Variants in EGF observed in about 807,000 individuals in gnomAD.
The protein encoded by EGF is pro-epidermal growth factor.
A neutral mutation model predicts 143.8 loss-of-function variants in EGF; 95 were observed. The ratio of observed to expected loss-of-function variants is 0.66; its 90% CI spans 0.56 to 0.78. The LOEUF (loss-of-function observed/expected upper bound fraction) is 0.78. EGF is among the 30% of genes least tolerant of loss of function. EGF has a pLI of 0.00. For missense variants in EGF, 1,320 were observed against 1,470.9 expected (o/e 0.90, Z 1.68); for synonymous variants, 510 against 510.5 (o/e 1.00, Z 0.01).
rs183096222 is a variant in EGF at position 109,936,333 on chromosome 4, T to C, written c.128-4613T>C. Among the ~76,000 whole-genome samples, 416 of 152,348 alleles carry C rather than the reference T, an allele frequency of 2.7e-3. 2 individuals are homozygous for C. The highest frequency in any genetic ancestry group is 5.1e-3 in the Non-Finnish European group (347 of 68,034). ...TTCCAGATTTTGTAGTTTATTTGCATAGAGGTGTTTATAGTATTCTCTAAC... is the reference window on the plus strand; with the variant it reads ...TTCCAGATTTTGTAGTTTATTTGCACAGAGGTGTTTATAGTATTCTCTAAC... On this transcript the variant is annotated intron_variant, in intron 1 of 23. Transcript: ENST00000265171.
At chr4:109,948,090 G>A (rs2282784) in intron 5 of EGF, among the ~76,000 whole-genome samples, 82,867 of 152,078 alleles carry the variant, frequency 0.54, 25,367 homozygotes, top group African/African-American at 0.83. Flanking sequence ...CATGAATTTC[G>A]GAAGAAAATC....
intron 22 of EGF, among the ~76,000 whole-genome samples, chr4:110,004,859 A>G (rs1219969878): frequency 6.6e-6 from 1 of 151,866 alleles, no homozygotes; most frequent in South Asian, 2.1e-4. Flanking sequence ...TGGCACAATA[A>G]ATTTTTGGAA....
chr4:109,926,755 T>C (rs1738742986), intron 1 of EGF, among the ~76,000 whole-genome samples: 1 of 152,250 alleles, frequency 6.6e-6, no homozygotes, highest in Non-Finnish European at 1.5e-5. Context: ...GTCAGTAGTA[T>C]GCTACCCAAA....
Position 109,915,471 on chromosome 4 carries a change from C to T in EGF, c.127+2009C>T, listed in dbSNP as rs79021207. 3.9e-3 allele frequency among the ~76,000 whole-genome samples: 598 copies of T among 152,254 alleles called. 3 individuals are homozygous for T. The highest frequency in any genetic ancestry group is 0.012 in the African/African-American group (497 of 41,536). On this transcript the variant is annotated intron_variant, in intron 1 of 23. Coordinates refer to ENST00000265171, the MANE Select transcript of EGF (RefSeq NM_001963.6). ...GCCGTATTTGAACAGTGCAGTGACACGGCACAGATCCATGGAGTGTGGAAT... is the reference window on the plus strand; with the variant it reads ...GCCGTATTTGAACAGTGCAGTGACATGGCACAGATCCATGGAGTGTGGAAT...
chr4:109,979,925 T>C (rs1749080723), intron 13 of EGF, 47 bp from the exon 14 acceptor site: 2 of 1,607,268 alleles, frequency 1.2e-6, no homozygotes, highest in Admixed American at 1.7e-5. Flanking sequence ...TAAATAGTCA[T>C]TGCAAAGACA....
chr4:109,992,627 T>G (rs1044161181), intron 18 of EGF, among the ~76,000 whole-genome samples: 1 of 152,048 alleles, frequency 6.6e-6, no homozygotes. Flanking sequence ...AAATCATGCT[T>G]CTATAAAGAC....
chr4:109,994,431 G>T (rs1362799593), intron 19 of EGF, among the ~76,000 whole-genome samples: 1 of 152,130 alleles, frequency 6.6e-6, no homozygotes, highest in Admixed American at 6.5e-5. Context: ...GTGTGTGACA[G>T]GTTTGTTTTT....
chr4:109,973,452 G>T (rs1165436417), intron 11 of EGF, among the ~76,000 whole-genome samples: 1 of 151,950 alleles, frequency 6.6e-6, no homozygotes, highest in Non-Finnish European at 1.5e-5. Flanking sequence ...TTATCTTCAG[G>T]AATCCTTCTC....
rs753733580 is a variant in EGF, at chr4:110,012,089, G to A, written c.*634G>A. Reference sequence around the variant, plus strand: ...TTTAAAATATTACACAGGAGGCTTCGGAGTTTCTTAGTCATTACTGTCCTT... The same window carrying A: ...TTTAAAATATTACACAGGAGGCTTCAGAGTTTCTTAGTCATTACTGTCCTT... On this transcript the variant is annotated 3_prime_UTR_variant, in exon 24 of 24. Coordinates refer to ENST00000265171, the MANE Select transcript of EGF (RefSeq NM_001963.6). 6.6e-6 allele frequency: 1 copy of A among 152,364 alleles called. No homozygotes were observed. The highest frequency in any genetic ancestry group is 1.5e-5 in the Non-Finnish European group (1 of 68,270). The allele number at this position is 152,364 out of a possible 1,614,324, so 9.4% of individuals were successfully genotyped here.
chr4:110,009,417 C>T (rs1489569043), intron 23 of EGF, among the ~76,000 whole-genome samples: 2 of 152,150 alleles, frequency 1.3e-5, no homozygotes, highest in African/African-American at 2.4e-5. Flanking sequence ...ATAATTCTTA[C>T]AATGGTAACC....
chr4:109,941,246 A>C (rs1002690824), intron 2 of EGF, 101 bp downstream of exon 2: 2 of 1,091,286 alleles, frequency 1.8e-6, no homozygotes, highest in Non-Finnish European at 1.4e-6. Flanking sequence ...ATTATATAAC[A>C]GTTCAAATGC....
intron 10 of EGF, among the ~76,000 whole-genome samples, chr4:109,966,244 T>C (rs1746559863): frequency 6.6e-6 from 1 of 151,992 alleles, no homozygotes; most frequent in Non-Finnish European, 1.5e-5. Context: ...GTTATTCCAC[T>C]CTGTATGTCC....
intron 16 of EGF, among the ~76,000 whole-genome samples, chr4:109,984,710 T>G (rs1355315191): frequency 6.6e-6 from 1 of 152,170 alleles, no homozygotes; most frequent in Admixed American, 6.5e-5. Context: ...AATCTCTAAT[T>G]TGATCCTCAT....
chr4:110,011,504 C>T lies in EGF; in HGVS notation c.*49C>T, dbSNP rs1200039250. On this transcript the variant is annotated 3_prime_UTR_variant, in exon 24 of 24. Transcript: ENST00000265171. ...AAGAAGAATGAACTATGTCGATGCACAGTATCTTTTCTTTCAAAAGTAGAG... is the reference window on the plus strand; with the variant it reads ...AAGAAGAATGAACTATGTCGATGCATAGTATCTTTTCTTTCAAAAGTAGAG... The T allele has an allele frequency of 1.9e-6, 3 of 1,613,662 alleles. No individual in the cohort carries two copies. Among genetic ancestry groups the T allele is most frequent in the Admixed American group, 3.3e-5 (2 of 60,016 alleles).
intron 2 of EGF, among the ~76,000 whole-genome samples, chr4:109,942,636 T>C (rs139302745): frequency 6.6e-5 from 10 of 152,288 alleles, no homozygotes; most frequent in South Asian, 2.1e-4. Context: ...GAAATTAAGA[T>C]ATGAAAAGTT....
chr4:109,933,962 G>A (rs758388550), intron 1 of EGF, among the ~76,000 whole-genome samples: 2 of 152,104 alleles, frequency 1.3e-5, no homozygotes, highest in Non-Finnish European at 2.9e-5. Flanking sequence ...TGGGTCAAAT[G>A]GTATTTGTAG....
intron 12 of EGF, 65 bp downstream of exon 12, chr4:109,974,872 C>A: frequency 1.5e-6 from 2 of 1,313,328 alleles, no homozygotes; most frequent in Non-Finnish European, 2.2e-6. Context: ...GGTTGATATG[C>A]TAGTGTCCAA....
Position 109,976,077 on chromosome 4 carries a change from G to A in EGF, c.1895G>A (p.Gly632Asp), listed in dbSNP as rs764784391. Residue 632 changes from glycine to aspartate, a missense_variant, in exon 13 of 24, where the codon GGC becomes GAC. Around this residue, in one of 5 missense-constraint regions of EGF, gnomAD observed 1,186 missense variants for 1,313.7 expected, o/e 0.90. Transcript: ENST00000265171. The stretch of plus-strand genomic sequence containing the variant: ...GAAAGTTCTTCCCTCCAAGGCCTTG[G>A]CCGTCTGGTTATAGCCAGCTCTGAT... The part of the protein sequence containing the change: ...RIESSSLQGL[G>D]RLVIASSDLI... 6.2e-7 allele frequency: 1 copy of A among 1,614,072 alleles called. No homozygotes were observed. The highest frequency in any genetic ancestry group is 8.5e-7 in the Non-Finnish European group (1 of 1,179,922).
In EGF at chr4:109,980,219, C is replaced by CG. The variant is rs538970059; in HGVS notation, c.2221+87dup. The CG allele has an allele frequency of 1.5e-3, 2,002 of 1,375,052 alleles. 12 individuals are homozygous for CG. In the African/African-American group the frequency reaches 0.015, roughly 10 times the overall value. 85.2% of individuals were successfully genotyped at this position (1,375,052 alleles called of 1,614,324 possible). ...TAATTGTTTGATGTCATGCAGTTGG[C>CG]GGGGGGGTGGAGGGGATTTTGTAAC... On this transcript the variant is annotated intron_variant, in intron 14 of 23. Transcript: ENST00000265171.
Sources: allele counts gnomAD v4.1 joint callset (sites outside exome capture counted in the v4.1 genomes callset), GRCh38; gene constraint gnomAD v4.1.1; regional missense constraint gnomAD v4.1.1; transcripts MANE v1.5; gene names NCBI Gene and HGNC (gene_info 2026-07-23, HGNC 2026-07-21).